TMEM260: variants seen among roughly 807,000 people sequenced by gnomAD.
The protein encoded by TMEM260 is transmembrane protein 260.
Under a neutral mutation model 88.9 loss-of-function variants are expected in TMEM260, and 82 were observed. That is an observed-to-expected ratio of 0.92 (90% CI 0.77 to 1.11). The LOEUF (loss-of-function observed/expected upper bound fraction) is 1.11, where lower values mean the gene tolerates loss of function less well. Ranked by LOEUF, TMEM260 falls within the 50% of genes least tolerant of loss-of-function variation. TMEM260 has a pLI of 0.00. For synonymous variants in TMEM260, 314 were observed against 309.3 expected, an observed-to-expected ratio of 1.02 and a Z score of -0.16; for missense variants, 902 against 853.4, an observed-to-expected ratio of 1.06 and a Z score of -0.71.
chr14:56,645,309 A>G (rs1039834374), intron 15 of TMEM260, among the ~76,000 whole-genome samples: 4 of 151,960 alleles, frequency 2.6e-5, no homozygotes, highest in African/African-American at 7.2e-5. Context: ...AATACTATGC[A>G]GCCATAAAAA....
At chr14:56,658,552 A>G in the TMEM260 span, among the ~76,000 whole-genome samples, 6 of 151,574 alleles carry the variant, frequency 4.0e-5, no homozygotes, top group Non-Finnish European at 8.8e-5. Context: ...TAATCATGAG[A>G]AAACATTTCA....
chr14:56,642,258 G>C (rs1353413996), intron 15 of TMEM260, among the ~76,000 whole-genome samples: 1 of 152,132 alleles, frequency 6.6e-6, no homozygotes, highest in East Asian at 1.9e-4. Context: ...ATAGTTGGAA[G>C]TAAAGCACTC....
chr14:56,582,614 C>T lies in TMEM260; in HGVS notation c.161-2387C>T, dbSNP rs145916924. On this transcript the variant is annotated intron_variant, in intron 1 of 15. Transcript: ENST00000261556. The stretch of plus-strand genomic sequence containing the variant: ...GAATTACCTGGGAAACTTGAGCCCC[C>T]AGTGCAAGTGGGTCTTAGTAGATTA... Among the ~76,000 whole-genome samples, 35 of 152,258 alleles carry T rather than the reference C, an allele frequency of 2.3e-4. No homozygotes were observed. In the East Asian group the frequency reaches 6.7e-3, roughly 29 times the overall value.
At chr14:56,604,159 C>G (rs900510413) in intron 4 of TMEM260, among the ~76,000 whole-genome samples, 167 bp downstream of exon 4, 2 of 151,950 alleles carry the variant, frequency 1.3e-5, no homozygotes, top group Non-Finnish European at 2.9e-5. Context: ...ATGGATGGAA[C>G]CAGGATAGCC....
At chr14:56,618,013 G>T (rs1299728019) in intron 9 of TMEM260, among the ~76,000 whole-genome samples, 2 of 152,170 alleles carry the variant, frequency 1.3e-5, no homozygotes, top group Non-Finnish European at 2.9e-5. Context: ...TTACCCACTA[G>T]TCATAGGCAG....
intron 4 of TMEM260, among the ~76,000 whole-genome samples, chr14:56,604,373 C>A (rs1886766194): frequency 6.6e-6 from 1 of 151,892 alleles, no homozygotes; most frequent in Non-Finnish European, 1.5e-5. Context: ...CCTTAATTGC[C>A]AAAAAAGGTC....
rs1193262612 is a variant in TMEM260, at chr14:56,648,231, T to A, written c.*734T>A. ...CTAGACCCAATAATTAGTAGGCTCC[T>A]GCTGCCAAAATGCAAAGGGGAAAAA... On this transcript the variant is annotated 3_prime_UTR_variant, in exon 16 of 16. Coordinates refer to ENST00000261556, the MANE Select transcript of TMEM260 (RefSeq NM_017799.4). 2 of 152,056 alleles carry A rather than the reference T, an allele frequency of 1.3e-5. No individual in the cohort carries two copies. 9.4% of individuals were successfully genotyped at this position (152,056 alleles called of 1,614,324 possible). A position where few individuals can be genotyped will look rare whatever the true frequency, so the allele number is the denominator to read the frequency against.
At chr14:56,607,486 C>G (rs1886983963) in intron 5 of TMEM260, among the ~76,000 whole-genome samples, 1 of 152,004 alleles carries the variant, frequency 6.6e-6, no homozygotes, top group South Asian at 2.1e-4. Flanking sequence ...TAAGGCCTAC[C>G]AATGAAGTAA....
chr14:56,650,877 G>GA (rs756716064), downstream of TMEM260, among the ~76,000 whole-genome samples: 89 of 151,426 alleles, frequency 5.9e-4, no homozygotes, highest in Non-Finnish European at 1.1e-3. Flanking sequence ...TACCAAAGTT[G>GA]AAAAAAAATA....
the TMEM260 span, among the ~76,000 whole-genome samples, chr14:56,659,587 A>C: frequency 6.6e-6 from 1 of 152,142 alleles, no homozygotes; most frequent in Non-Finnish European, 1.5e-5. Flanking sequence ...GGCTCCGGAG[A>C]GGCCGATGGG....
chr14:56,615,422 C>T (rs1887535204), intron 7 of TMEM260: 1 of 151,300 alleles, frequency 6.6e-6, no homozygotes, highest in African/African-American at 2.4e-5. Flanking sequence ...GTTTTTTGAA[C>T]CAAAACAAAT....
intron 11 of TMEM260, among the ~76,000 whole-genome samples, chr14:56,624,431 T>G (rs11627740): frequency 0.9 from 136,214 of 151,932 alleles, 61,290 homozygotes; most frequent in East Asian, 1. Flanking sequence ...AAAATTATTC[T>G]GGTGTAGTGT....
chr14:56,609,322 TG>T, intron 6 of TMEM260, 37 bp downstream of exon 6: 2 of 1,587,646 alleles, frequency 1.3e-6, no homozygotes, highest in Non-Finnish European at 1.7e-6. Flanking sequence ...AGGAAACAAG[TG>T]GCAAAACTTC....
chr14:56,610,240 T>A lies in TMEM260; in HGVS notation c.816+955T>A, dbSNP rs945941690. Among the ~76,000 whole-genome samples the A allele has an allele frequency of 5.3e-5, 8 of 152,182 alleles. No homozygotes were observed. In the East Asian group the frequency reaches 7.7e-4, roughly 15 times the overall value. ...TTTTAAAAAAAAGAATTTTTTTTTT[T>A]ATTTTGCTTTGTTTGTTTGAGATGG... On this transcript the variant is annotated intron_variant, in intron 6 of 15. Coordinates refer to ENST00000261556, the MANE Select transcript of TMEM260 (RefSeq NM_017799.4).
intron 3 of TMEM260, among the ~76,000 whole-genome samples, chr14:56,586,333 ATGT>A (rs1353827771): frequency 1.3e-5 from 2 of 152,174 alleles, no homozygotes; most frequent in African/African-American, 2.4e-5. Context: ...AAATATGAAC[ATGT>A]TGTATACTTT....
At chr14:56,607,244 T>G (rs1370281640) in intron 5 of TMEM260, among the ~76,000 whole-genome samples, 1 of 152,208 alleles carries the variant, frequency 6.6e-6, no homozygotes, top group East Asian at 1.9e-4. Flanking sequence ...TAGCCAGACT[T>G]CCGACCTGAA....
intron 3 of TMEM260, among the ~76,000 whole-genome samples, chr14:56,590,026 T>G (rs996535514): frequency 1.3e-5 from 2 of 152,148 alleles, no homozygotes; most frequent in Admixed American, 6.5e-5. Context: ...AAGTAACAAA[T>G]AGTTACCAAG....
the TMEM260 span, among the ~76,000 whole-genome samples, chr14:56,656,933 G>A: frequency 6.6e-6 from 1 of 152,006 alleles, no homozygotes; most frequent in Non-Finnish European, 1.5e-5. Flanking sequence ...TCATTTTCAC[G>A]AGACCCCATT....
At chr14:56,581,961 A>G (rs1029619313) in intron 1 of TMEM260, among the ~76,000 whole-genome samples, 10 of 152,252 alleles carry the variant, frequency 6.6e-5, no homozygotes, top group Admixed American at 1.3e-4. Context: ...CTAAAAGAAT[A>G]AAGTTGTGTA....
Sources: allele counts gnomAD v4.1 joint callset (sites outside exome capture counted in the v4.1 genomes callset), GRCh38; gene constraint gnomAD v4.1.1; transcripts MANE v1.5; gene names NCBI Gene and HGNC (gene_info 2026-07-23, HGNC 2026-07-21).